The following GPM6A variants were observed in gnomAD, a reference collection of about 807,000 sequenced individuals.
GPM6A encodes neuronal membrane glycoprotein M6-a.
A neutral mutation model predicts 32.1 loss-of-function variants in GPM6A; 7 were observed. The ratio of observed to expected loss-of-function variants is 0.22; its 90% CI spans 0.12 to 0.41. The LOEUF is 0.41. Among genes scored for constraint, GPM6A ranks in the 10% least tolerant of loss-of-function variants. The pLI, the probability that GPM6A is intolerant of heterozygous loss-of-function variation, is 1.00. For missense variants in GPM6A, 235 were observed against 347.2 expected (o/e 0.68, Z 2.57); for synonymous variants, 130 against 123.4 (o/e 1.05, Z -0.35).
In GPM6A at chr4:175,652,013, A is replaced by G. The variant is rs1251223262; in HGVS notation, c.388-26T>C. ...CTGCAAAAGAGAAAGAAATGGAGAG[A>G]GAAAATGTAATCTACCAAAAAAGAA... On this transcript the variant is annotated intron_variant, in intron 3 of 6. Coordinates refer to ENST00000393658, the MANE Select transcript of GPM6A (RefSeq NM_201591.3). The G allele has an allele frequency of 3.2e-6, 5 of 1,576,288 alleles. No individual in the cohort carries two copies. In the South Asian group the frequency reaches 3.5e-5, roughly 11 times the overall value.
chr4:175,923,475 G>C (rs1241080438), intron 1 of GPM6A, among the ~76,000 whole-genome samples: 2 of 151,106 alleles, frequency 1.3e-5, no homozygotes, highest in Admixed American at 1.3e-4. Context: ...TGATGGAGGG[G>C]AAGGTTCCAA....
intron 1 of GPM6A, among the ~76,000 whole-genome samples, chr4:175,932,348 C>A (rs1739078429): frequency 6.6e-6 from 1 of 152,092 alleles, no homozygotes; most frequent in Non-Finnish European, 1.5e-5. Context: ...TTCTGCCAGG[C>A]GAGGACTCAG....
chr4:175,835,627 GTATATA>G (rs35980764), intron 1 of GPM6A, among the ~76,000 whole-genome samples: 35 of 138,604 alleles, frequency 2.5e-4, no homozygotes, highest in South Asian at 1.1e-3. Context: ...GTGAGTGTGT[GTATATA>G]TATATATATA....
chr4:175,849,268 G>T (rs937032901), intron 1 of GPM6A, among the ~76,000 whole-genome samples: 2 of 152,144 alleles, frequency 1.3e-5, no homozygotes, highest in African/African-American at 4.8e-5. Context: ...GTTGCATGGG[G>T]CCTTGTGACT....
upstream of GPM6A, chr4:175,812,933 T>C: frequency 1.0e-6 from 1 of 985,398 alleles, no homozygotes; most frequent in African/African-American, 1.7e-5. Context: ...AAAAGTTTAT[T>C]ACTAAGACAG....
At chr4:175,974,651 G>A (rs910491521) in intron 1 of GPM6A, among the ~76,000 whole-genome samples, 32 of 152,000 alleles carry the variant, frequency 2.1e-4, no homozygotes, top group African/African-American at 7.3e-4. Context: ...TCCTATTTAT[G>A]TCTTCCAGAC....
intron 1 of GPM6A, among the ~76,000 whole-genome samples, chr4:175,869,259 C>T (rs1736830583): frequency 6.6e-6 from 1 of 152,014 alleles, no homozygotes; most frequent in African/African-American, 2.4e-5. Flanking sequence ...ATACTTTATA[C>T]AGATTATATG....
chr4:175,900,924 T>A (rs1057470291), intron 1 of GPM6A, among the ~76,000 whole-genome samples: 2 of 152,144 alleles, frequency 1.3e-5, no homozygotes, highest in Non-Finnish European at 2.9e-5. Flanking sequence ...AGATACACAA[T>A]GGAGTACTAT....
At chr4:175,867,565 T>C (rs1211870225) in intron 1 of GPM6A, among the ~76,000 whole-genome samples, 1 of 152,178 alleles carries the variant, frequency 6.6e-6, no homozygotes, top group African/African-American at 2.4e-5. Context: ...ACAGTATTTA[T>C]GTGGGGCTAT....
intron 2 of GPM6A, among the ~76,000 whole-genome samples, chr4:175,676,974 T>C (rs2110994706): frequency 6.6e-6 from 1 of 152,288 alleles, no homozygotes; most frequent in East Asian, 1.9e-4. Context: ...ATATATATCC[T>C]TTGTGGCTCA....
At chr4:175,720,421 G>A (rs1410684881) in intron 1 of GPM6A, among the ~76,000 whole-genome samples, 1 of 152,092 alleles carries the variant, frequency 6.6e-6, no homozygotes, top group Non-Finnish European at 1.5e-5. Context: ...CTGCAAAATA[G>A]AAGAATGTCC....
chr4:175,849,605 A>G (rs902773373), intron 1 of GPM6A, among the ~76,000 whole-genome samples: 1 of 152,210 alleles, frequency 6.6e-6, no homozygotes, highest in Non-Finnish European at 1.5e-5. Flanking sequence ...AAAAAGATGA[A>G]AACAGTTGTA....
chr4:175,761,332 T>C (rs1416450746), intron 1 of GPM6A, among the ~76,000 whole-genome samples: 1 of 152,144 alleles, frequency 6.6e-6, no homozygotes, highest in East Asian at 1.9e-4. Context: ...TACCTCATGA[T>C]CTACCCGCCT....
intron 3 of GPM6A, among the ~76,000 whole-genome samples, chr4:175,667,348 C>T (rs1439271592): frequency 2.6e-5 from 4 of 152,126 alleles, no homozygotes; most frequent in Non-Finnish European, 5.9e-5. Flanking sequence ...CATCAAATTA[C>T]AGCCAAAGTG....
intron 1 of GPM6A, among the ~76,000 whole-genome samples, chr4:175,883,850 T>C (rs1169833313): frequency 1.3e-5 from 2 of 152,164 alleles, no homozygotes; most frequent in Non-Finnish European, 2.9e-5. Context: ...AATTCTAAAT[T>C]TACCAATTCA....
intron 1 of GPM6A, among the ~76,000 whole-genome samples, chr4:175,879,469 C>A (rs1212228142): frequency 6.6e-6 from 1 of 152,138 alleles, no homozygotes; most frequent in Non-Finnish European, 1.5e-5. Flanking sequence ...GTAGCTAACT[C>A]TTCACAGGGC....
chr4:175,889,197 AAG>A (rs925885303), intron 1 of GPM6A, among the ~76,000 whole-genome samples: 41 of 152,288 alleles, frequency 2.7e-4, no homozygotes, highest in African/African-American at 7.9e-4. Flanking sequence ...TTAGAACAAA[AAG>A]AGAATAATTT....
At chr4:175,859,457 C>T (rs1290667705) in intron 1 of GPM6A, among the ~76,000 whole-genome samples, 5 of 152,174 alleles carry the variant, frequency 3.3e-5, no homozygotes, top group African/African-American at 9.7e-5. Context: ...CAACACGAAA[C>T]TCAGTTTGTG....
chr4:175,870,739 C>A (rs1736880659), intron 1 of GPM6A, among the ~76,000 whole-genome samples: 1 of 152,056 alleles, frequency 6.6e-6, no homozygotes, highest in Non-Finnish European at 1.5e-5. Context: ...ACTCTGTTTC[C>A]TAGGGTTCTC....
Sources: gnomAD v4.1 joint callset for allele counts (sites outside exome capture counted in the v4.1 genomes callset) on GRCh38, gnomAD v4.1.1 for gene constraint, MANE v1.5 for transcripts, NCBI Gene and HGNC (gene_info 2026-07-23, HGNC 2026-07-21) for gene names.